The following TBX1 variants were observed in gnomAD, a reference collection of about 807,000 sequenced individuals.
TBX1 encodes the protein T-box transcription factor 1.
TBX1 carries 16 observed loss-of-function variants against 40.8 expected under a neutral mutation model. The observed-to-expected ratio is 0.39, with a 90% confidence interval of 0.27 to 0.60. The LOEUF (loss-of-function observed/expected upper bound fraction) is 0.60, where lower values mean the gene tolerates loss of function less well. TBX1 is among the 20% of genes least tolerant of loss of function. The probability of loss-of-function intolerance (pLI) is 0.51; values close to 1 mark genes in which losing one functional copy is unlikely to be tolerated. For synonymous variants in TBX1, 403 were observed against 336.8 expected, an observed-to-expected ratio of 1.20 and a Z score of -2.15; for missense variants, 755 against 728.5, an observed-to-expected ratio of 1.04 and a Z score of -0.42.
chr22:19,774,843 A>T (rs545743863), intron 8 of TBX1, among the ~76,000 whole-genome samples: 2 of 152,182 alleles, frequency 1.3e-5, no homozygotes, highest in Non-Finnish European at 2.9e-5. Flanking sequence ...GTTGGCGTCT[A>T]GTGGGGACAG....
Position 19,760,809 on chromosome 22 carries a change from T to C in TBX1, c.-35T>C, listed in dbSNP as rs1936629136. 1 of 693,116 alleles carries C rather than the reference T, an allele frequency of 1.4e-6. No homozygotes were observed. Among genetic ancestry groups the C allele is most frequent in the Non-Finnish European group, 1.8e-6 (1 of 566,106 alleles). The allele number at this position is 693,116 out of a possible 1,614,324, so 42.9% of individuals were successfully genotyped here. A position where few individuals can be genotyped will look rare whatever the true frequency, so the allele number is the denominator to read the frequency against. On this transcript the variant is annotated 5_prime_UTR_variant, in exon 1 of 7. Coordinates refer to ENST00000649276, the MANE Select transcript of TBX1 (RefSeq NM_001379200.1). ...CCCGCGGCGCGGGGCAGCGCTCAGCTTGGTGGCGGGGGCGGCGGCGGCGGC... is the reference window on the plus strand; with the variant it reads ...CCCGCGGCGCGGGGCAGCGCTCAGCCTGGTGGCGGGGGCGGCGGCGGCGGC...
chr22:19,764,213 G>A lies in TBX1; in HGVS notation c.598G>A (p.Gly200Ser), dbSNP rs773832715. 6.2e-7 allele frequency: 1 copy of A among 1,612,888 alleles called. No homozygotes were observed. The highest frequency in any genetic ancestry group is 1.7e-5 in the Admixed American group (1 of 60,000). ...VAGKADPATP[G>S]RVHYHPDSPA... ...GGGGAAGGCCGACCCTGCCACGCCA[G>A]GCCGCGTGCACTACCACCCGGACTC... Residue 200 changes from glycine to serine, a missense_variant, in exon 3 of 7, where the codon GGC becomes AGC. By Grantham distance (56) the Gly-to-Ser change is moderately conservative. Around this residue, in one of 3 missense-constraint regions of TBX1, gnomAD observed 144 missense variants for 238.0 expected, o/e 0.61. Transcript: ENST00000649276.
downstream of TBX1, chr22:19,767,344 G>A (rs1243121002): frequency 1.3e-5 from 13 of 988,018 alleles, no homozygotes; most frequent in Non-Finnish European, 1.6e-5. Flanking sequence ...AGCCGCCTGC[G>A]TGTCCATTTA....
chr22:19,758,863 AG>A (rs1196991690), upstream of TBX1, among the ~76,000 whole-genome samples: 1 of 152,190 alleles, frequency 6.6e-6, no homozygotes, highest in East Asian at 1.9e-4. Flanking sequence ...AGCCAACTTC[AG>A]GGGGCTGTTG....
At position 19,761,172 on chromosome 22, in the gene TBX1, TGAA is replaced by T. The variant is rs369050575; in HGVS notation, c.336_338del (p.Lys112del). 1.4e-4 allele frequency: 217 copies of T among 1,526,856 alleles called. 1 individual carries two copies. The East Asian group carries it at 3.7e-3, about 26-fold the overall frequency. The allele number at this position is 1,526,856 out of a possible 1,614,324, so 94.6% of individuals were successfully genotyped here. On this transcript the variant is annotated inframe_deletion, in exon 1 of 7. Transcript: ENST00000649276. Reference sequence around the variant, plus strand: ...TGCGCGGCCGCAGCCAAGGCGCCGGTGAAGAAGAACGCGAAGGTGGCCGGTGTG... The same window carrying T: ...TGCGCGGCCGCAGCCAAGGCGCCGGTGAAGAACGCGAAGGTGGCCGGTGTG...
upstream of TBX1, among the ~76,000 whole-genome samples, chr22:19,758,057 C>T (rs1471917765): frequency 2.0e-5 from 3 of 152,154 alleles, no homozygotes; most frequent in Admixed American, 6.5e-5. Context: ...GACTCACATG[C>T]GTTCCTGAAC....
upstream of TBX1, among the ~76,000 whole-genome samples, chr22:19,758,048 A>C (rs1439597755): frequency 6.6e-6 from 1 of 152,010 alleles, no homozygotes; most frequent in African/African-American, 2.4e-5. Flanking sequence ...GCGGCCCTGG[A>C]CTCACATGCG....
chr22:19,760,933 G>A lies in TBX1; in HGVS notation c.90G>A (p.Leu30=). Reference sequence around the variant, plus strand: ...TCACGGCCAGCAGCCTGAGCAGCCTGGGGGCCGCGGGGGGCTTCCCGGGCG... The same window carrying A: ...TCACGGCCAGCAGCCTGAGCAGCCTAGGGGCCGCGGGGGGCTTCCCGGGCG... ...AAFTASSLSS[L]GAAGGFPGAA... The change falls in exon 1 of 7, where the codon CTG becomes CTA. Residue 30 remains leucine, a synonymous_variant. Transcript: ENST00000649276. 1 of 1,014,166 alleles carries A rather than the reference G, an allele frequency of 9.9e-7. No homozygotes were observed. Among genetic ancestry groups the A allele is most frequent in the South Asian group, 3.3e-5 (1 of 29,976 alleles). 62.8% of individuals were successfully genotyped at this position (1,014,166 alleles called of 1,614,324 possible). A position where few individuals can be genotyped will look rare whatever the true frequency, so the allele number is the denominator to read the frequency against.
Position 19,761,665 on chromosome 22 carries a change from C to T in TBX1, c.437+385C>T, listed in dbSNP as rs573711080. ...CGTCCAGGGGGCCTCACCGCCCGGC[C>T]GACTCCTAGTAAATCCCACCTCAAG... is the stretch of plus-strand genomic sequence containing the variant. On this transcript the variant is annotated intron_variant, in intron 1 of 6. Transcript: ENST00000649276. 2.0e-5 allele frequency among the ~76,000 whole-genome samples: 3 copies of T among 152,332 alleles called. No individual in the cohort carries two copies. The East Asian group carries it at 5.8e-4, about 29-fold the overall frequency.
chr22:19,770,382 C>T (rs1216787200), downstream of TBX1, among the ~76,000 whole-genome samples: 1 of 152,230 alleles, frequency 6.6e-6, no homozygotes, highest in Non-Finnish European at 1.5e-5. Context: ...CCTGCAGTAG[C>T]CCCGCTCCCT....
At chr22:19,759,514 G>A (rs1038871826), upstream of TBX1, 41 of 1,519,096 alleles carry the variant, frequency 2.7e-5, no homozygotes, top group Non-Finnish European at 3.5e-5. Context: ...GGAGCCCGCT[G>A]TCTCCCCGAG....
intron 3 of TBX1, 84 bp downstream of exon 3, chr22:19,764,410 ATCCCCAGGCCCCCGGCTG>A: frequency 6.5e-7 from 1 of 1,546,144 alleles, no homozygotes; most frequent in Non-Finnish European, 8.8e-7. Flanking sequence ...GGCCTGTAGA[ATCCCCAGGCCCCCGGCTG>A]TCCCCAGGCG....
intron 6 of TBX1, 38 bp from the exon 7 acceptor site, chr22:19,766,351 C>G (rs1936842250): frequency 8.0e-7 from 1 of 1,252,984 alleles, no homozygotes; most frequent in African/African-American, 1.6e-5. Flanking sequence ...CCTCGGCGGC[C>G]CCGGCCGGCC....
At chr22:19,773,227 G>T (rs186200005) in intron 8 of TBX1, among the ~76,000 whole-genome samples, 1 of 152,232 alleles carries the variant, frequency 6.6e-6, no homozygotes, top group South Asian at 2.1e-4. Flanking sequence ...GCAGCTGACC[G>T]ATCTGAAAGC....
rs1333920751 is a variant in TBX1, at chr22:19,760,947, G to A, written c.104G>A (p.Gly35Asp). The change falls in exon 1 of 7, where the codon GGC (glycine) becomes GAC (aspartate). Residue 35 changes from glycine (G) to aspartate (D), a missense_variant. Coordinates refer to ENST00000649276, the MANE Select transcript of TBX1 (RefSeq NM_001379200.1). ...CTGAGCAGCCTGGGGGCCGCGGGGG[G>A]CTTCCCGGGCGCCGCGTCGCCCGGC... ...SSLSSLGAAG[G>D]FPGAASPGAD... The A allele has an allele frequency of 5.0e-6, 5 of 1,001,268 alleles. No individual in the cohort carries two copies. Among genetic ancestry groups the A allele is most frequent in the South Asian group, 7.5e-5 (2 of 26,818 alleles). 62.0% of individuals were successfully genotyped at this position (1,001,268 alleles called of 1,614,324 possible).
Position 19,767,100 on chromosome 22 carries a change from G to C in TBX1, c.*233G>C. 2 of 1,258,634 alleles carry C rather than the reference G, an allele frequency of 1.6e-6. No individual in the cohort carries two copies. Among genetic ancestry groups the C allele is most frequent in the Non-Finnish European group, 2.0e-6 (2 of 1,004,138 alleles). The allele number at this position is 1,258,634 out of a possible 1,614,324, so 78.0% of individuals were successfully genotyped here. On this transcript the variant is annotated 3_prime_UTR_variant, in exon 7 of 7. Transcript: ENST00000649276. The stretch of plus-strand genomic sequence containing the variant: ...TGGAGCCACCGCGGGTCCTTCCCCG[G>C]CCCCGAGGGCCAAGGGGGTCCCCGC...
chr22:19,765,838 C>T lies in TBX1; in HGVS notation c.935+13C>T, dbSNP rs779209396. 2.3e-5 allele frequency: 36 copies of T among 1,597,404 alleles called. No individual in the cohort carries two copies. The highest frequency in any genetic ancestry group is 1.7e-4 in the Middle Eastern group (1 of 6,042). On this transcript the variant is annotated intron_variant, in intron 5 of 6. Coordinates refer to ENST00000649276, the MANE Select transcript of TBX1 (RefSeq NM_001379200.1). ...ACCCTGAGGACTGGTGAGTGTCCTC[C>T]CCCGAGAGAGTGAGCGCCGGGCGCC...
chr22:19,777,123 C>CAT (rs1412814257), intron 8 of TBX1, among the ~76,000 whole-genome samples: 1 of 151,976 alleles, frequency 6.6e-6, no homozygotes, highest in Non-Finnish European at 1.5e-5. Context: ...AGGTTTGTTA[C>CAT]ATATGTATAC....
In TBX1 at chr22:19,767,199, C is replaced by T. The variant is rs1002527223; in HGVS notation, c.*332C>T. On this transcript the variant is annotated 3_prime_UTR_variant, in exon 7 of 7. Transcript: ENST00000649276. ...TTGTTCTCCCCGAGACCGCGTCGCC[C>T]GCGGCCCGGCCGGCAGTTGCAGTGT... The T allele has an allele frequency of 1.8e-5, 20 of 1,105,640 alleles. No individual in the cohort carries two copies. The highest frequency in any genetic ancestry group is 1.9e-5 in the Non-Finnish European group (17 of 908,168). The allele number at this position is 1,105,640 out of a possible 1,614,324, so 68.5% of individuals were successfully genotyped here.
Sources: allele counts gnomAD v4.1 joint callset (sites outside exome capture counted in the v4.1 genomes callset), GRCh38; gene constraint gnomAD v4.1.1; regional missense constraint gnomAD v4.1.1; transcripts MANE v1.5; gene names NCBI Gene and HGNC (gene_info 2026-07-23, HGNC 2026-07-21).